PLSCR2: variants seen among roughly 807,000 people sequenced by gnomAD.
PLSCR2 encodes the protein PL scramblase 2.
In PLSCR2, 18 loss-of-function variants were observed where a neutral mutation model predicts 25.3. The ratio of observed to expected loss-of-function variants is 0.71; its 90% CI spans 0.49 to 1.06. PLSCR2 has a LOEUF of 1.06. PLSCR2 is among the 50% of genes least tolerant of loss of function. The pLI is 0.00. For synonymous variants in PLSCR2, 88 were observed against 87.3 expected, an observed-to-expected ratio of 1.01 and a Z score of -0.04; for missense variants, 243 against 269.5, an observed-to-expected ratio of 0.90 and a Z score of 0.69.
At chr3:146,456,246 CCA>C (rs1195887182) in intron 3 of PLSCR2, among the ~76,000 whole-genome samples, 3 of 152,142 alleles carry the variant, frequency 2.0e-5, no homozygotes. Flanking sequence ...CCATATTGAA[CCA>C]CACATTGGAA....
At chr3:146,495,402 A>G (rs2043710332) in intron 1 of PLSCR2, among the ~76,000 whole-genome samples, 1 of 152,210 alleles carries the variant, frequency 6.6e-6, no homozygotes, top group Non-Finnish European at 1.5e-5. Context: ...TCTGAATACT[A>G]CAGTTTCCCA....
At chr3:146,453,960 T>A (rs1030380615) in intron 5 of PLSCR2, 42 bp downstream of exon 5, 1 of 1,488,712 alleles carries the variant, frequency 6.7e-7, no homozygotes, top group African/African-American at 1.4e-5. Flanking sequence ...TATATTCTTC[T>A]ATTAAAAAAG....
intron 2 of PLSCR2, among the ~76,000 whole-genome samples, chr3:146,400,346 G>A (rs1024905215): frequency 6.6e-6 from 1 of 151,162 alleles, no homozygotes; most frequent in African/African-American, 2.4e-5. Context: ...CTATATACAA[G>A]CAACAAAAAA....
At chr3:146,459,957 G>A (rs765210100) in exon 2 of PLSCR2, 13 of 1,614,114 alleles carry the variant, frequency 8.1e-6, no homozygotes, top group Non-Finnish European at 1.1e-5. Context: ...AATGCCAGCT[G>A]TGCCAGCAGG....
intron 2 of PLSCR2, among the ~76,000 whole-genome samples, chr3:146,404,828 G>GT (rs1553768590): frequency 1.7e-4 from 25 of 150,322 alleles, no homozygotes; most frequent in Non-Finnish European, 2.8e-4. Context: ...AAAAGGGGGG[G>GT]GGTGGTGGTT....
chr3:146,417,514 A>C (rs1338522341), intron 2 of PLSCR2, among the ~76,000 whole-genome samples: 1 of 152,186 alleles, frequency 6.6e-6, no homozygotes, highest in Admixed American at 6.5e-5. Context: ...AGAGAAGTAA[A>C]GAAAGAATCC....
chr3:146,460,288 T>G (rs1386422540), exon 1 of PLSCR2: 1 of 1,206,550 alleles, frequency 8.3e-7, no homozygotes, highest in African/African-American at 1.6e-5. Context: ...TGGTTCACTG[T>G]GAATAGAGTC....
At chr3:146,447,924 A>G (rs2040654867) in intron 6 of PLSCR2, among the ~76,000 whole-genome samples, 1 of 152,154 alleles carries the variant, frequency 6.6e-6, no homozygotes, top group South Asian at 2.1e-4. Flanking sequence ...TGTCTCCATG[A>G]GTGCCATGCC....
Position 146,483,485 on chromosome 3 carries a change from A to ACACGTG in PLSCR2, c.-293+12409_-293+12410insCACGTG, listed in dbSNP as rs2043225902. Among the ~76,000 whole-genome samples, 9 of 85,662 alleles carry ACACGTG rather than the reference A, an allele frequency of 1.1e-4. 1 individual carries two copies. The highest frequency in any genetic ancestry group is 5.1e-5 in the African/African-American group (1 of 19,780). The allele number at this position is 85,662 out of a possible 152,430, so 56.2% of individuals were successfully genotyped here. Reference sequence around the variant, plus strand: ...TATATATATATATACATGTGTATATATATATATATATATATATATATATAA... The same window carrying ACACGTG: ...TATATATATATATACATGTGTATATACACGTGTATATATATATATATATATATATAA... On this transcript the variant is annotated intron_variant, in intron 1 of 8. Coordinates refer to the PLSCR2 transcript ENST00000336685.
At chr3:146,474,798 T>C (rs1448499316) in intron 1 of PLSCR2, among the ~76,000 whole-genome samples, 2 of 152,074 alleles carry the variant, frequency 1.3e-5, no homozygotes, top group Non-Finnish European at 2.9e-5. Context: ...TCAGTCTTTT[T>C]ATAAAGTCCC....
intron 2 of PLSCR2, chr3:146,398,619 A>G (rs998091692): frequency 5.9e-5 from 9 of 151,628 alleles, no homozygotes; most frequent in African/African-American, 2.2e-4. Context: ...CTAATAATTA[A>G]CTAATTTTAA....
At chr3:146,455,272 A>G in exon 4 of PLSCR2, 4 of 1,613,962 alleles carry the variant, frequency 2.5e-6, no homozygotes, top group Non-Finnish European at 3.4e-6. Flanking sequence ...AACAACAGTT[A>G]CATCTTAGTG....
chr3:146,434,220 A>C (rs2108144377), intron 8 of PLSCR2, among the ~76,000 whole-genome samples: 1 of 152,276 alleles, frequency 6.6e-6, no homozygotes, highest in South Asian at 2.1e-4. Context: ...ACACAAAAAT[A>C]TAATAATATA....
downstream of PLSCR2, among the ~76,000 whole-genome samples, chr3:146,431,241 G>A (rs1300798444): frequency 6.6e-6 from 1 of 152,196 alleles, no homozygotes; most frequent in Non-Finnish European, 1.5e-5. Flanking sequence ...CTTAAGGCAA[G>A]GGGCCATGAA....
intron 2 of PLSCR2, among the ~76,000 whole-genome samples, chr3:146,402,406 T>C (rs2038505921): frequency 6.6e-6 from 1 of 152,190 alleles, no homozygotes; most frequent in African/African-American, 2.4e-5. Flanking sequence ...CTCACTGCTA[T>C]TTTTGAAATG....
intron 1 of PLSCR2, among the ~76,000 whole-genome samples, chr3:146,485,828 G>C (rs182490071): frequency 9.2e-5 from 14 of 152,190 alleles, no homozygotes; most frequent in African/African-American, 3.4e-4. Context: ...AATCATGGCG[G>C]AAGGCAAGGA....
chr3:146,400,674 C>G (rs181671682), intron 2 of PLSCR2, among the ~76,000 whole-genome samples: 7 of 151,164 alleles, frequency 4.6e-5, no homozygotes, highest in Admixed American at 3.9e-4. Flanking sequence ...GCCAAAAAAG[C>G]TTTGACAAAA....
intron 6 of PLSCR2, among the ~76,000 whole-genome samples, chr3:146,446,891 T>C (rs776390944): frequency 3.3e-5 from 5 of 152,214 alleles, no homozygotes; most frequent in Non-Finnish European, 5.9e-5. Context: ...CCCATGCTTT[T>C]CTTCCACTTC....
chr3:146,492,117 A>C (rs536619), intron 1 of PLSCR2, among the ~76,000 whole-genome samples: 50,152 of 151,968 alleles, frequency 0.33, 8,351 homozygotes, highest in South Asian at 0.41. Flanking sequence ...CAGATCAGCA[A>C]TTCTCAGCTG....
Sources: gnomAD v4.1 joint callset for allele counts (sites outside exome capture counted in the v4.1 genomes callset) on GRCh38, gnomAD v4.1.1 for gene constraint, MANE v1.5 for transcripts, NCBI Gene and HGNC (gene_info 2026-07-23, HGNC 2026-07-21) for gene names.